Variants in ME3 observed in about 807,000 individuals in gnomAD.
ME3 encodes NADP-dependent malic enzyme, mitochondrial.
A neutral mutation model predicts 68.9 loss-of-function variants in ME3; 48 were observed. The observed-to-expected ratio is 0.70, with a 90% CI of 0.55 to 0.89. The LOEUF is 0.89. Among genes scored for constraint, ME3 ranks in the 40% least tolerant of loss-of-function variants. The pLI is 0.00. For synonymous variants in ME3, 320 were observed against 318.8 expected (o/e 1.00, Z -0.04); for missense variants, 675 against 797.4 (o/e 0.85, Z 1.85).
chr11:86,462,624 T>C (rs1048104504), intron 8 of ME3: 26 of 1,285,974 alleles, frequency 2.0e-5, no homozygotes, highest in Non-Finnish European at 2.5e-5. Context: ...ATCATTCATA[T>C]ATTCTTTAAA....
intron 3 of ME3, 118 bp downstream of exon 3, chr11:86,559,572 C>T: frequency 1.6e-6 from 2 of 1,267,402 alleles, no homozygotes; most frequent in Non-Finnish European, 1.1e-6. Context: ...AGTCTGGGAT[C>T]TCTTTGGGCT....
intron 4 of ME3, among the ~76,000 whole-genome samples, chr11:86,533,352 A>C (rs187520207): frequency 5.9e-5 from 9 of 152,278 alleles, no homozygotes; most frequent in Non-Finnish European, 1.0e-4. Context: ...ATCATAAAAG[A>C]CTGTTATGAA....
At chr11:86,582,652 T>C (rs1001866786) in intron 2 of ME3, among the ~76,000 whole-genome samples, 1 of 152,142 alleles carries the variant, frequency 6.6e-6, no homozygotes, top group African/African-American at 2.4e-5. Flanking sequence ...AAAATACTGC[T>C]ACTTAATGTA....
At chr11:86,535,117 C>T (rs988122458) in intron 4 of ME3, among the ~76,000 whole-genome samples, 1 of 152,190 alleles carries the variant, frequency 6.6e-6, no homozygotes, top group Non-Finnish European at 1.5e-5. Flanking sequence ...TTTTAGCCAG[C>T]ATTTTACCTG....
At chr11:86,445,340 A>G (rs904463611) in intron 13 of ME3, among the ~76,000 whole-genome samples, 3 of 152,232 alleles carry the variant, frequency 2.0e-5, no homozygotes, top group African/African-American at 4.8e-5. Flanking sequence ...AAGACTAGAC[A>G]TAGTAAGAAG....
intron 2 of ME3, among the ~76,000 whole-genome samples, chr11:86,626,572 G>A (rs544471457): frequency 3.3e-4 from 51 of 152,308 alleles, no homozygotes; most frequent in African/African-American, 1.2e-3. Context: ...TAGACCTAAA[G>A]GTGGTAGGTA....
intron 7 of ME3, among the ~76,000 whole-genome samples, chr11:86,468,269 G>A (rs557164725): frequency 3.9e-4 from 60 of 152,204 alleles, no homozygotes; most frequent in African/African-American, 1.4e-3. Context: ...TTACTTCATG[G>A]TGCTACTATC....
chr11:86,617,131 G>A (rs1195568681), intron 2 of ME3, among the ~76,000 whole-genome samples: 2 of 129,398 alleles, frequency 1.5e-5, no homozygotes, highest in Non-Finnish European at 3.1e-5. Flanking sequence ...TTCAGTTCTG[G>A]GTCTGGCATT....
At chr11:86,471,691 T>A (rs1228136518) in intron 7 of ME3, among the ~76,000 whole-genome samples, 1 of 152,226 alleles carries the variant, frequency 6.6e-6, no homozygotes, top group Non-Finnish European at 1.5e-5. Flanking sequence ...ATGCTTGATA[T>A]GGTGGCACAT....
intron 4 of ME3, among the ~76,000 whole-genome samples, chr11:86,529,961 C>T (rs1001501987): frequency 3.9e-5 from 6 of 152,166 alleles, no homozygotes; most frequent in Non-Finnish European, 5.9e-5. Context: ...GGGATGCCCT[C>T]TCTCACCACT....
chr11:86,627,884 C>A (rs1943761174), intron 2 of ME3, among the ~76,000 whole-genome samples: 1 of 152,194 alleles, frequency 6.6e-6, no homozygotes, highest in East Asian at 1.9e-4. Context: ...AAGCAATTCC[C>A]AGTTTCAGAT....
chr11:86,458,111 C>G (rs1417197973), intron 8 of ME3, among the ~76,000 whole-genome samples: 1 of 152,220 alleles, frequency 6.6e-6, no homozygotes, highest in East Asian at 1.9e-4. Context: ...GAGGCCACAC[C>G]TGCTTCCACG....
intron 7 of ME3, among the ~76,000 whole-genome samples, chr11:86,467,693 T>TCTCTCA (rs1555204126): frequency 2.8e-5 from 4 of 143,332 alleles, no homozygotes; most frequent in East Asian, 4.1e-4. Context: ...TCTCTCTCTC[T>TCTCTCA]CACACACACA....
intron 2 of ME3, among the ~76,000 whole-genome samples, chr11:86,593,886 T>C (rs1959174976): frequency 1.4e-5 from 2 of 146,720 alleles, no homozygotes; most frequent in African/African-American, 5.0e-5. Flanking sequence ...TTTATATAAT[T>C]GTTTCCAAAC....
chr11:86,489,969 G>GT (rs1345624175), intron 6 of ME3, among the ~76,000 whole-genome samples: 1 of 152,154 alleles, frequency 6.6e-6, no homozygotes, highest in Admixed American at 6.5e-5. Flanking sequence ...CCTTGGACTC[G>GT]TAAGTGCAGG....
intron 4 of ME3, among the ~76,000 whole-genome samples, chr11:86,545,219 A>G (rs1303604665): frequency 6.6e-6 from 1 of 152,252 alleles, no homozygotes; most frequent in Non-Finnish European, 1.5e-5. Context: ...ATCATACTGA[A>G]TGGGCAAAAG....
downstream of ME3, chr11:86,436,733 C>T (rs1948899432): frequency 6.6e-6 from 1 of 151,758 alleles, no homozygotes; most frequent in Admixed American, 6.6e-5. Context: ...TCTAAGTTAA[C>T]TTTTTTTTGC....
At chr11:86,589,675 A>G (rs1314347374) in intron 2 of ME3, among the ~76,000 whole-genome samples, 1 of 152,238 alleles carries the variant, frequency 6.6e-6, no homozygotes, top group Non-Finnish European at 1.5e-5. Context: ...TTATTGGGCT[A>G]GATTTTTTTC....
intron 2 of ME3, among the ~76,000 whole-genome samples, chr11:86,610,176 G>C (rs1942458241): frequency 6.6e-6 from 1 of 152,150 alleles, no homozygotes; most frequent in African/African-American, 2.4e-5. Flanking sequence ...TTATGACAGT[G>C]ATTACATTAG....
Sources: gnomAD v4.1 joint callset for allele counts (sites outside exome capture counted in the v4.1 genomes callset) on GRCh38, gnomAD v4.1.1 for gene constraint, MANE v1.5 for transcripts, NCBI Gene and HGNC (gene_info 2026-07-23, HGNC 2026-07-21) for gene names.